The following GCNT2 variants were observed in gnomAD, a reference collection of about 807,000 sequenced individuals.
GCNT2 encodes the protein glucosaminyl (N-acetyl) transferase 2 (I blood group), also known as N-acetyllactosaminide beta-1,6-N-acetylglucosaminyl-transferase.
GCNT2 carries 34 observed loss-of-function variants against 34.2 expected under a neutral mutation model. That is an observed-to-expected ratio of 1.00 (90% confidence interval 0.76 to 1.32). GCNT2 has a LOEUF of 1.32. Ranked by LOEUF, GCNT2 falls within the 40% of genes most tolerant of loss-of-function variation. GCNT2 has a pLI of 0.00. For missense variants in GCNT2, 584 were observed against 489.4 expected (o/e 1.19, Z -1.82); for synonymous variants, 212 against 188.0 (o/e 1.13, Z -1.04).
intron 3 of GCNT2, among the ~76,000 whole-genome samples, chr6:10,609,840 G>C (rs541009646): frequency 6.6e-6 from 1 of 152,220 alleles, no homozygotes; most frequent in Non-Finnish European, 1.5e-5. Context: ...ATTCTGGTAA[G>C]GGTGGTAAGA....
chr6:10,555,355 A>G (rs1472337043), intron 3 of GCNT2, among the ~76,000 whole-genome samples: 2 of 152,194 alleles, frequency 1.3e-5, no homozygotes, highest in Admixed American at 1.3e-4. Context: ...CCAGAACACC[A>G]CTATATTTAC....
At chr6:10,568,178 C>A (rs1302380892) in intron 3 of GCNT2, among the ~76,000 whole-genome samples, 4 of 152,104 alleles carry the variant, frequency 2.6e-5, no homozygotes, top group African/African-American at 7.2e-5. Context: ...CCATTCACTT[C>A]CCTGTAGTGA....
At chr6:10,606,839 G>A (rs1765342340) in intron 3 of GCNT2, among the ~76,000 whole-genome samples, 1 of 151,750 alleles carries the variant, frequency 6.6e-6, no homozygotes, top group African/African-American at 2.4e-5. Flanking sequence ...TAAAAGCATA[G>A]TTTTACATGT....
Position 10,618,449 on chromosome 6 carries a change from G to C in GCNT2, c.926-2902G>C, listed in dbSNP as rs114014975. Among the ~76,000 whole-genome samples the C allele has an allele frequency of 7.5e-3, 1,143 of 152,278 alleles. 15 individuals are homozygous for C. Among genetic ancestry groups the C allele is most frequent in the African/African-American group, 0.026 (1,062 of 41,528 alleles). On this transcript the variant is annotated intron_variant, in intron 3 of 4. Coordinates refer to ENST00000495262, the MANE Select transcript of GCNT2 (RefSeq NM_145649.5). Reference sequence around the variant, plus strand: ...GGAATCTGTTTCTGAGTAAGAGTCAGTTTGGGATTATCAGTATTAAAGAGA... The same window carrying C: ...GGAATCTGTTTCTGAGTAAGAGTCACTTTGGGATTATCAGTATTAAAGAGA...
chr6:10,559,868 C>T (rs989549554), intron 3 of GCNT2, among the ~76,000 whole-genome samples: 8 of 152,228 alleles, frequency 5.3e-5, no homozygotes, highest in Non-Finnish European at 7.3e-5. Context: ...AAAGGATATC[C>T]TGCTTCTAGG....
At chr6:10,533,122 C>CA (rs1761578291) in intron 3 of GCNT2, among the ~76,000 whole-genome samples, 1 of 151,504 alleles carries the variant, frequency 6.6e-6, no homozygotes, top group South Asian at 2.1e-4. Flanking sequence ...GCCTGGCCAA[C>CA]ATGGTGAAAC....
In GCNT2 at chr6:10,529,307, G is replaced by A. The variant is rs377718959; in HGVS notation, c.396G>A (p.Ala132=). Residue 132 remains alanine (A), a synonymous_variant, in exon 3 of 5, where the codon GCG becomes GCA. Coordinates refer to ENST00000495262, the MANE Select transcript of GCNT2 (RefSeq NM_145649.5). The part of the protein sequence containing the change: ...NVYCVHLDQK[A]TDAFKGAVKQ... ...ACTGTGTGCACCTGGATCAGAAGGC[G>A]ACGGATGCCTTTAAAGGTGCAGTGA... is the stretch of plus-strand genomic sequence containing the variant. 3.8e-5 allele frequency: 61 copies of A among 1,613,998 alleles called. No homozygotes were observed. Among genetic ancestry groups the A allele is most frequent in the Admixed American group, 1.7e-4 (10 of 59,988 alleles).
At chr6:10,528,196 C>T (rs780124030) in intron 2 of GCNT2, among the ~76,000 whole-genome samples, 9 of 152,102 alleles carry the variant, frequency 5.9e-5, no homozygotes, top group African/African-American at 1.4e-4. Flanking sequence ...AGGACTTTAC[C>T]CAGCAGCAGA....
intron 3 of GCNT2, among the ~76,000 whole-genome samples, chr6:10,537,913 A>T (rs1032099130): frequency 6.6e-6 from 1 of 151,920 alleles, no homozygotes; most frequent in African/African-American, 2.4e-5. Context: ...TCTTGAATAC[A>T]GTGCACTATA....
chr6:10,553,631 C>T (rs916245282), intron 3 of GCNT2, among the ~76,000 whole-genome samples: 9 of 152,146 alleles, frequency 5.9e-5, no homozygotes, highest in Non-Finnish European at 1.2e-4. Context: ...TGGTGGCTCA[C>T]GCCTGTAATC....
At chr6:10,607,653 T>G (rs1765382346) in intron 3 of GCNT2, among the ~76,000 whole-genome samples, 1 of 152,166 alleles carries the variant, frequency 6.6e-6, no homozygotes, top group Non-Finnish European at 1.5e-5. Flanking sequence ...GTGCTATCAT[T>G]TGAATGCAAT....
At chr6:10,541,099 C>T (rs1293498525) in intron 3 of GCNT2, among the ~76,000 whole-genome samples, 1 of 152,162 alleles carries the variant, frequency 6.6e-6, no homozygotes, top group Non-Finnish European at 1.5e-5. Context: ...TTTACCCGCA[C>T]AGATCATCCC....
intron 3 of GCNT2, among the ~76,000 whole-genome samples, chr6:10,579,544 G>A (rs1035798387): frequency 6.6e-6 from 1 of 152,046 alleles, no homozygotes; most frequent in African/African-American, 2.4e-5. Context: ...GGCCAGGCAT[G>A]GTAGCTCATG....
At position 10,529,372 on chromosome 6, in the gene GCNT2, C is replaced by T. The variant is rs1311634555; in HGVS notation, c.461C>T (p.Ser154Phe). 1.9e-6 allele frequency: 3 copies of T among 1,613,974 alleles called. No individual in the cohort carries two copies. The highest frequency in any genetic ancestry group is 2.5e-6 in the Non-Finnish European group (3 of 1,180,030). ...LSCFPNAFLASKKESVVYGGI... is the reference protein window; with the variant it reads ...LSCFPNAFLAFKKESVVYGGI... ...TGCTTCCCAAATGCTTTTCTGGCTT[C>T]CAAGAAGGAGTCGGTTGTCTATGGG... The change falls in exon 3 of 5, where the codon TCC (serine) becomes TTC (phenylalanine). Residue 154 changes from serine (S) to phenylalanine (F), a missense_variant. Coordinates refer to ENST00000495262, the MANE Select transcript of GCNT2 (RefSeq NM_145649.5).
chr6:10,538,429 AAAAAAAAAATATAT>A (rs1761874977), intron 3 of GCNT2, among the ~76,000 whole-genome samples: 1 of 129,026 alleles, frequency 7.8e-6, no homozygotes, highest in Non-Finnish European at 1.5e-5. Flanking sequence ...AAAAAAAAAA[AAAAAAAAAATATAT>A]ATATATATAT....
intron 3 of GCNT2, among the ~76,000 whole-genome samples, chr6:10,562,656 G>GAAAAAAAAAAA (rs57868433): frequency 1.6e-3 from 124 of 77,174 alleles, no homozygotes; most frequent in Non-Finnish European, 2.3e-3. Context: ...GAACTTCTCT[G>GAAAAAAAAAAA]AAAAAAAAAA....
At chr6:10,546,152 G>C (rs555872871) in intron 3 of GCNT2, among the ~76,000 whole-genome samples, 4 of 152,262 alleles carry the variant, frequency 2.6e-5, no homozygotes, top group African/African-American at 9.6e-5. Flanking sequence ...GCTACACGTT[G>C]ATCTCAGCAG....
Position 10,529,470 on chromosome 6 carries a change from GTCA to G in GCNT2, c.563_565del (p.Ile188del). 6.2e-7 allele frequency: 1 copy of G among 1,614,114 alleles called. No homozygotes were observed. Among genetic ancestry groups the G allele is most frequent in the Non-Finnish European group, 8.5e-7 (1 of 1,180,008 alleles). ...GGCCTCTGAAGTTCCCTGGAAGTATGTCATCAACACCTGCGGGCAAGACTTTCC... is the reference window on the plus strand; with the variant it reads ...GGCCTCTGAAGTTCCCTGGAAGTATGTCAACACCTGCGGGCAAGACTTTCC... On this transcript the variant is annotated inframe_deletion, in exon 3 of 5. Coordinates refer to ENST00000495262, the MANE Select transcript of GCNT2 (RefSeq NM_145649.5).
At chr6:10,571,300 A>G (rs572024258) in intron 3 of GCNT2, among the ~76,000 whole-genome samples, 1 of 152,270 alleles carries the variant, frequency 6.6e-6, no homozygotes, top group South Asian at 2.1e-4. Context: ...GGGAGTTTAG[A>G]AACTGTAATG....
Sources: allele counts gnomAD v4.1 joint callset (sites outside exome capture counted in the v4.1 genomes callset), GRCh38; gene constraint gnomAD v4.1.1; transcripts MANE v1.5; gene names NCBI Gene and HGNC (gene_info 2026-07-23, HGNC 2026-07-21).